ME2: variants seen among roughly 807,000 people sequenced by gnomAD.
ME2 encodes the protein NAD-dependent malic enzyme, mitochondrial.
In ME2, 60 loss-of-function variants were observed where a neutral mutation model predicts 73.7. The ratio of observed to expected loss-of-function variants is 0.81; its 90% CI spans 0.66 to 1.01. The LOEUF (loss-of-function observed/expected upper bound fraction) is 1.01, where lower values mean the gene tolerates loss of function less well. Among genes scored for constraint, ME2 ranks in the 50% least tolerant of loss-of-function variants. The pLI is 0.00. For synonymous variants in ME2, 199 were observed against 236.9 expected, an observed-to-expected ratio of 0.84 and a Z score of 1.47; for missense variants, 594 against 705.5, an observed-to-expected ratio of 0.84 and a Z score of 1.79.
intron 13 of ME2, chr18:50,939,295 C>A: frequency 9.5e-5 from 27 of 283,244 alleles, no homozygotes; most frequent in Admixed American, 2.5e-4. Flanking sequence ...GGAGTTAAAA[C>A]AAGCGTTGAT....
chr18:50,946,755 T>G (rs1918092979), intron 15 of ME2, among the ~76,000 whole-genome samples: 1 of 152,194 alleles, frequency 6.6e-6, no homozygotes. Flanking sequence ...TCAGCAAGAC[T>G]GGGAGGAATG....
At position 50,917,010 on chromosome 18, in the gene ME2, C is replaced by A. The variant is rs57550928; in HGVS notation, c.469-337C>A. On this transcript the variant is annotated intron_variant, in intron 5 of 15. Transcript: ENST00000321341. ...GTACCATGCTGTTTATTTCTAAACTCTTATTTTTCTCTTATGGTAATCTCT... is the reference window on the plus strand; with the variant it reads ...GTACCATGCTGTTTATTTCTAAACTATTATTTTTCTCTTATGGTAATCTCT... The A allele has an allele frequency of 4.8e-3, 808 of 169,588 alleles. 18 individuals are homozygous for A. The East Asian group carries it at 0.065, about 14-fold the overall frequency. The allele number at this position is 169,588 out of a possible 1,614,324, so 10.5% of individuals were successfully genotyped here.
intron 1 of ME2, among the ~76,000 whole-genome samples, chr18:50,893,540 A>G (rs1477464342): frequency 6.6e-6 from 1 of 152,176 alleles, no homozygotes; most frequent in Non-Finnish European, 1.5e-5. Context: ...TAACTGAGGA[A>G]GTAATTGGCT....
intron 1 of ME2, among the ~76,000 whole-genome samples, 199 bp downstream of exon 1, chr18:50,879,507 C>G (rs1260056840): frequency 2.0e-5 from 3 of 152,206 alleles, no homozygotes; most frequent in Non-Finnish European, 4.4e-5. Context: ...GAGGGACCGG[C>G]TACATCGCGG....
intron 3 of ME2, among the ~76,000 whole-genome samples, chr18:50,911,742 A>G (rs113363326): frequency 1.8e-4 from 28 of 152,356 alleles, no homozygotes; most frequent in African/African-American, 6.7e-4. Context: ...AAGTAAGTCA[A>G]CATGAAGAAG....
chr18:50,908,067 T>C lies in ME2; in HGVS notation c.113T>C (p.Met38Thr). Residue 38 changes from methionine to threonine, a missense_variant, in exon 3 of 16, where the codon ATG becomes ACG. By Grantham distance (81) the Met-to-Thr change is moderately conservative. Coordinates refer to ENST00000321341, the MANE Select transcript of ME2 (RefSeq NM_002396.5). Reference sequence around the variant, plus strand: ...CCTTTTATTTCTCCTCTTTAGGGAATGGCATTTACTTTACAAGAACGACAA... The same window carrying C: ...CCTTTTATTTCTCCTCTTTAGGGAACGGCATTTACTTTACAAGAACGACAA... ...LMLNPRTNKG[M>T]AFTLQERQML... The C allele has an allele frequency of 1.9e-6, 3 of 1,561,534 alleles. No homozygotes were observed. Among genetic ancestry groups the C allele is most frequent in the Non-Finnish European group, 2.6e-6 (3 of 1,155,358 alleles).
intron 3 of ME2, among the ~76,000 whole-genome samples, chr18:50,911,557 C>T (rs1917156134): frequency 6.6e-6 from 1 of 152,058 alleles, no homozygotes; most frequent in Non-Finnish European, 1.5e-5. Context: ...AAGTCTAAAG[C>T]GTGTATGTAT....
chr18:50,917,826 T>G (rs982047288), intron 6 of ME2, among the ~76,000 whole-genome samples: 2 of 151,784 alleles, frequency 1.3e-5, no homozygotes, highest in African/African-American at 4.8e-5. Flanking sequence ...ACAAAAAAAA[T>G]TAGCTGGGCG....
Position 50,954,175 on chromosome 18 carries a change from G to A in ME2, c.*6991G>A, listed in dbSNP as rs577830593. On this transcript the variant is annotated 3_prime_UTR_variant, in exon 16 of 16. Coordinates refer to ENST00000321341, the MANE Select transcript of ME2 (RefSeq NM_002396.5). Reference sequence around the variant, plus strand: ...CAGTCTAAAAACTTCAGAATTATGTGAATTATTTTTTCTCTGTTGTGATAT... The same window carrying A: ...CAGTCTAAAAACTTCAGAATTATGTAAATTATTTTTTCTCTGTTGTGATAT... The A allele has an allele frequency of 2.6e-5, 4 of 152,234 alleles. No individual in the cohort carries two copies. In the South Asian group the frequency reaches 8.3e-4, roughly 31 times the overall value. 9.4% of individuals were successfully genotyped at this position (152,234 alleles called of 1,614,324 possible).
intron 2 of ME2, among the ~76,000 whole-genome samples, chr18:50,902,960 CTGTT>C (rs1451423130): frequency 1.3e-5 from 2 of 152,120 alleles, no homozygotes; most frequent in South Asian, 2.1e-4. Flanking sequence ...GTTCAAGTGT[CTGTT>C]TAAGAGATTT....
Position 50,932,348 on chromosome 18 carries a change from T to C in ME2, c.1405T>C (p.Tyr469His). The change falls in exon 13 of 16, where the codon TAT becomes CAT. Residue 469 changes from tyrosine (Y) to histidine (H), a missense_variant. Transcript: ENST00000321341. ...VFTPGQGNNVYIFPGVALAVI... is the reference protein window; with the variant it reads ...VFTPGQGNNVHIFPGVALAVI... The stretch of plus-strand genomic sequence containing the variant: ...TACACCAGGTCAAGGAAACAATGTT[T>C]ATATTTTTCCAGGTAAATGCCACCA... The C allele has an allele frequency of 2.5e-6, 4 of 1,612,006 alleles. No individual in the cohort carries two copies. The highest frequency in any genetic ancestry group is 2.5e-6 in the Non-Finnish European group (3 of 1,178,418).
intron 4 of ME2, chr18:50,915,256 A>C (rs562445893): frequency 6.6e-6 from 1 of 152,484 alleles, no homozygotes; most frequent in South Asian, 2.1e-4. Context: ...ACACTTTGGG[A>C]GGCTGAAGCG....
intron 2 of ME2, among the ~76,000 whole-genome samples, chr18:50,907,622 G>A (rs1917046010): frequency 6.6e-6 from 1 of 152,056 alleles, no homozygotes; most frequent in African/African-American, 2.4e-5. Flanking sequence ...GTATTTCATG[G>A]TATGAATATA....
Position 50,925,786 on chromosome 18 carries a change from C to T in ME2, c.1202C>T (p.Pro401Leu). 6.2e-7 allele frequency: 1 copy of T among 1,613,900 alleles called. No individual in the cohort carries two copies. The highest frequency in any genetic ancestry group is 1.3e-5 in the African/African-American group (1 of 75,030). Residue 401 changes from proline to leucine, a missense_variant, in exon 12 of 16, where the codon CCT becomes CTT. By Grantham distance (98) the Pro-to-Leu change is moderately conservative. Transcript: ENST00000321341. ...GCAGGTGCTGGCCGTCTTTTCACTCCTGATGTAATCAGAGCCATGGCCTCT... is the reference window on the plus strand; with the variant it reads ...GCAGGTGCTGGCCGTCTTTTCACTCTTGATGTAATCAGAGCCATGGCCTCT... ...GVAGAGRLFT[P>L]DVIRAMASIN...
At chr18:50,932,451 C>T (rs1479793678) in intron 13 of ME2, 91 bp downstream of exon 13, 3 of 929,472 alleles carry the variant, frequency 3.2e-6, no homozygotes, top group Admixed American at 4.7e-5. Context: ...CTGAACTGAG[C>T]AACAGTATTA....
intron 15 of ME2, among the ~76,000 whole-genome samples, chr18:50,940,941 G>A (rs1233265708): frequency 6.6e-6 from 1 of 151,958 alleles, no homozygotes. Context: ...GGACATTTAA[G>A]TTTTTAGCTT....
intron 1 of ME2, among the ~76,000 whole-genome samples, chr18:50,880,127 T>C (rs540786423): frequency 7.9e-5 from 12 of 152,336 alleles, no homozygotes; most frequent in Non-Finnish European, 1.5e-4. Context: ...TTGCAGTTGA[T>C]AACGATAACA....
intron 7 of ME2, 57 bp downstream of exon 7, chr18:50,918,270 G>A: frequency 9.6e-6 from 11 of 1,149,768 alleles, no homozygotes; most frequent in Non-Finnish European, 1.1e-5. Context: ...GGTGGGGTAA[G>A]AACCAAAGTT....
At chr18:50,909,668 G>T (rs954642252) in intron 3 of ME2, among the ~76,000 whole-genome samples, 5 of 152,094 alleles carry the variant, frequency 3.3e-5, no homozygotes, top group Admixed American at 6.6e-5. Context: ...AATGAATGGA[G>T]GGGGAGGAAA....
Sources: allele counts gnomAD v4.1 joint callset (sites outside exome capture counted in the v4.1 genomes callset), GRCh38; gene constraint gnomAD v4.1.1; transcripts MANE v1.5; gene names NCBI Gene and HGNC (gene_info 2026-07-23, HGNC 2026-07-21).